The following SDK1 variants were observed in gnomAD, a reference collection of about 807,000 sequenced individuals.
The protein encoded by SDK1 is sidekick cell adhesion molecule 1, also known as protein sidekick-1.
SDK1 carries 157 observed loss-of-function variants against 245.5 expected under a neutral mutation model. That is an observed-to-expected ratio of 0.64 (90% CI 0.56 to 0.73). The LOEUF is 0.73. Ranked by LOEUF, SDK1 falls within the 30% of genes least tolerant of loss-of-function variation. The pLI is 0.00. For synonymous variants in SDK1, 1,647 were observed against 1,278.5 expected (o/e 1.29, Z -6.15); for missense variants, 3,583 against 3,002.3 (o/e 1.19, Z -4.52).
chr7:3,500,431 G>T (rs1369300601), intron 1 of SDK1, among the ~76,000 whole-genome samples: 1 of 152,164 alleles, frequency 6.6e-6, no homozygotes, highest in Non-Finnish European at 1.5e-5. Context: ...AGAATTCTTG[G>T]TGGGAAATAA....
intron 1 of SDK1, among the ~76,000 whole-genome samples, chr7:3,462,652 G>A (rs1214742245): frequency 6.6e-6 from 1 of 152,036 alleles, no homozygotes; most frequent in Non-Finnish European, 1.5e-5. Flanking sequence ...CATAAACTTT[G>A]ATGCCTTATT....
chr7:3,400,267 T>C (rs1778854425), intron 1 of SDK1, among the ~76,000 whole-genome samples: 2 of 152,130 alleles, frequency 1.3e-5, no homozygotes, highest in South Asian at 4.1e-4. Flanking sequence ...TTCAGCAGCT[T>C]TCCTAAGATA....
At chr7:3,546,533 T>C (rs1007967670) in intron 1 of SDK1, among the ~76,000 whole-genome samples, 1 of 152,198 alleles carries the variant, frequency 6.6e-6, no homozygotes, top group Non-Finnish European at 1.5e-5. Context: ...CTGTACCAGG[T>C]AGTGGAAAAC....
At chr7:3,358,953 C>G (rs908991224) in intron 1 of SDK1, among the ~76,000 whole-genome samples, 3 of 152,062 alleles carry the variant, frequency 2.0e-5, no homozygotes, top group Admixed American at 2.0e-4. Flanking sequence ...AGTTTTTTTC[C>G]CAAGAATATC....
At chr7:4,169,268 T>C (rs538641794) in intron 32 of SDK1, among the ~76,000 whole-genome samples, 6 of 152,300 alleles carry the variant, frequency 3.9e-5, no homozygotes, top group African/African-American at 1.2e-4. Context: ...CCAGTCTCCT[T>C]CTGGGGAGCC....
chr7:3,511,653 T>G (rs981573300), intron 1 of SDK1, among the ~76,000 whole-genome samples: 4 of 152,134 alleles, frequency 2.6e-5, no homozygotes, highest in African/African-American at 9.7e-5. Context: ...TGGTAGTATT[T>G]ACCAATTATT....
intron 1 of SDK1, among the ~76,000 whole-genome samples, chr7:3,450,197 C>T (rs185504484): frequency 7.2e-5 from 11 of 152,218 alleles, no homozygotes; most frequent in Admixed American, 5.9e-4. Context: ...TCATATTTAT[C>T]GATATGTGAG....
Position 3,741,993 on chromosome 7 carries a change from T to TATATATATAC in SDK1, c.714-79448_714-79447insCATATATATA, listed in dbSNP as rs1455247336. On this transcript the variant is annotated intron_variant, in intron 4 of 44. Coordinates refer to ENST00000404826, the MANE Select transcript of SDK1 (RefSeq NM_152744.4). ...GTTCCCATATTGTAGTGTGCATATATATATATATATATATATATATGCTGT... is the reference window on the plus strand; with the variant it reads ...GTTCCCATATTGTAGTGTGCATATATATATATATACATATATATATATATATATATGCTGT... Among the ~76,000 whole-genome samples the TATATATATAC allele has an allele frequency of 1.2e-3, 180 of 147,144 alleles. 1 individual carries two copies. The highest frequency in any genetic ancestry group is 4.4e-3 in the African/African-American group (174 of 39,252).
chr7:3,704,796 T>C (rs555818876), intron 4 of SDK1, among the ~76,000 whole-genome samples: 1 of 152,326 alleles, frequency 6.6e-6, no homozygotes, highest in Admixed American at 6.5e-5. Flanking sequence ...TATCCTAGGA[T>C]ATCTAATAGA....
intron 42 of SDK1, among the ~76,000 whole-genome samples, chr7:4,241,383 C>A (rs1410935775): frequency 1.3e-5 from 2 of 152,060 alleles, no homozygotes; most frequent in East Asian, 3.9e-4. Flanking sequence ...GCTTGCCATC[C>A]CAGCACTTTG....
intron 1 of SDK1, among the ~76,000 whole-genome samples, chr7:3,536,447 G>A (rs553710060): frequency 6.6e-6 from 1 of 152,092 alleles, no homozygotes; most frequent in African/African-American, 2.4e-5. Context: ...TGGAGGCCAA[G>A]GTGGGCAGAT....
intron 4 of SDK1, among the ~76,000 whole-genome samples, chr7:3,694,218 T>C (rs1784510895): frequency 6.6e-6 from 1 of 152,164 alleles, no homozygotes; most frequent in Non-Finnish European, 1.5e-5. Context: ...CCCTGCCCAC[T>C]GCATAAGACT....
chr7:4,057,362 G>A (rs968242942), intron 19 of SDK1, among the ~76,000 whole-genome samples: 7 of 152,016 alleles, frequency 4.6e-5, no homozygotes, highest in Non-Finnish European at 4.4e-5. Context: ...ACCTGAAGTC[G>A]GGCCCACCCA....
chr7:4,239,996 C>G (rs1786420459), intron 42 of SDK1, among the ~76,000 whole-genome samples: 1 of 152,194 alleles, frequency 6.6e-6, no homozygotes, highest in Admixed American at 6.5e-5. Context: ...TTATTTGCTT[C>G]TATAATGTTA....
intron 5 of SDK1, among the ~76,000 whole-genome samples, chr7:3,878,701 G>A (rs752377886): frequency 6.6e-6 from 1 of 152,142 alleles, no homozygotes; most frequent in Non-Finnish European, 1.5e-5. Flanking sequence ...AGGGTTCGAA[G>A]AGGAAGAGTC....
chr7:3,646,558 A>C (rs527350359), intron 4 of SDK1, among the ~76,000 whole-genome samples: 1 of 152,296 alleles, frequency 6.6e-6, no homozygotes, highest in African/African-American at 2.4e-5. Context: ...CAGCCAATAC[A>C]CACAGAGCCA....
chr7:3,857,088 A>C (rs978427756), intron 5 of SDK1, among the ~76,000 whole-genome samples: 3 of 152,154 alleles, frequency 2.0e-5, no homozygotes, highest in African/African-American at 7.2e-5. Flanking sequence ...CTATTAACTG[A>C]AAAAAATTAC....
intron 1 of SDK1, among the ~76,000 whole-genome samples, chr7:3,331,502 G>C (rs1027413582): frequency 1.3e-5 from 2 of 152,200 alleles, no homozygotes; most frequent in African/African-American, 4.8e-5. Context: ...GTCTTACTGA[G>C]TTGTAATAAT....
chr7:3,760,003 C>T (rs567175633), intron 4 of SDK1, among the ~76,000 whole-genome samples: 3 of 152,054 alleles, frequency 2.0e-5, no homozygotes, highest in East Asian at 1.9e-4. Context: ...TTGTAGAGAC[C>T]TTGAGAGGGC....
Sources: gnomAD v4.1 joint callset for allele counts (sites outside exome capture counted in the v4.1 genomes callset) on GRCh38, gnomAD v4.1.1 for gene constraint, MANE v1.5 for transcripts, NCBI Gene and HGNC (gene_info 2026-07-23, HGNC 2026-07-21) for gene names.